Variants in HIPK2 observed in about 807,000 individuals in gnomAD.
HIPK2 encodes the protein homeodomain-interacting protein kinase 2.
Under a neutral mutation model 113.7 loss-of-function variants are expected in HIPK2, and 27 were observed. That is an observed-to-expected ratio of 0.24 (90% CI 0.17 to 0.33). HIPK2 has a LOEUF of 0.33. Ranked by LOEUF, HIPK2 falls within the 10% of genes least tolerant of loss-of-function variation. The pLI is 1.00. For synonymous variants in HIPK2, 631 were observed against 642.2 expected, an observed-to-expected ratio of 0.98 and a Z score of 0.26; for missense variants, 1,257 against 1,588.0, an observed-to-expected ratio of 0.79 and a Z score of 3.54.
At chr7:139,689,165 A>C (rs1424031135) in intron 2 of HIPK2, among the ~76,000 whole-genome samples, 1 of 152,184 alleles carries the variant, frequency 6.6e-6, no homozygotes, top group Non-Finnish European at 1.5e-5. Context: ...CACGGACCCC[A>C]CAGAGTGCTC....
At chr7:139,764,354 C>G (rs563195689) in intron 1 of HIPK2, among the ~76,000 whole-genome samples, 1 of 152,100 alleles carries the variant, frequency 6.6e-6, no homozygotes, top group Non-Finnish European at 1.5e-5. Flanking sequence ...GTGTTCCTGG[C>G]GACTTTAGAG....
At chr7:139,744,031 A>G (rs1287697240) in intron 1 of HIPK2, among the ~76,000 whole-genome samples, 4 of 152,206 alleles carry the variant, frequency 2.6e-5, no homozygotes, top group Non-Finnish European at 4.4e-5. Context: ...GATGATCATT[A>G]TTAATTATTA....
intron 13 of HIPK2, among the ~76,000 whole-genome samples, chr7:139,581,394 G>C (rs1013253993): frequency 5.3e-5 from 8 of 152,200 alleles, no homozygotes; most frequent in Admixed American, 5.2e-4. Context: ...CTCCTGCCCT[G>C]CCTGGGACTT....
intron 2 of HIPK2, among the ~76,000 whole-genome samples, chr7:139,633,248 G>A (rs1012711858): frequency 6.6e-6 from 1 of 152,188 alleles, no homozygotes; most frequent in African/African-American, 2.4e-5. Flanking sequence ...TCTGCAGCCT[G>A]GAGTGGGAGT....
intron 10 of HIPK2, among the ~76,000 whole-genome samples, chr7:139,602,788 T>C (rs1256450022): frequency 6.6e-6 from 1 of 152,208 alleles, no homozygotes; most frequent in Non-Finnish European, 1.5e-5. Flanking sequence ...CGATGGTGCA[T>C]GTTAAATATA....
chr7:139,716,785 T>G lies in HIPK2; in HGVS notation c.250A>C (p.Ile84Leu). ...PNPSLPYEQTIVFPGSTGHIV... is the reference protein window; with the variant it reads ...PNPSLPYEQTLVFPGSTGHIV... ...TGCCCGGTGCTTCCTGGGAAGACGA[T>G]GGTCTGCTCGTAAGGTAGGCTTGGG... Residue 84 changes from isoleucine to leucine, a missense_variant, in exon 2 of 15, where the codon ATC becomes CTC. Physicochemically the swap from Ile to Leu is conservative, Grantham distance 5. Coordinates refer to ENST00000406875, the MANE Select transcript of HIPK2 (RefSeq NM_022740.5). The surrounding 1 kb of genome is among the most constrained non-coding windows in gnomAD (Gnocchi z 9.3). 1 of 1,613,884 alleles carries G rather than the reference T, an allele frequency of 6.2e-7. No individual in the cohort carries two copies. Among genetic ancestry groups the G allele is most frequent in the Non-Finnish European group, 8.5e-7 (1 of 1,179,862 alleles).
At position 139,645,904 on chromosome 7, in the gene HIPK2, C is replaced by G. The variant is rs967551210; in HGVS notation, c.1104-14179G>C. ...TGGTTATTCCAGCAGGAGTTAGGAACAAGAAGATCTTGCCAAACAAAATGG... is the reference window on the plus strand; with the variant it reads ...TGGTTATTCCAGCAGGAGTTAGGAAGAAGAAGATCTTGCCAAACAAAATGG... On this transcript the variant is annotated intron_variant, in intron 2 of 14. Coordinates refer to ENST00000406875, the MANE Select transcript of HIPK2 (RefSeq NM_022740.5). Among the ~76,000 whole-genome samples the G allele has an allele frequency of 3.9e-5, 6 of 152,136 alleles. No homozygotes were observed. In the East Asian group the frequency reaches 1.2e-3, roughly 29 times the overall value.
intron 12 of HIPK2, among the ~76,000 whole-genome samples, chr7:139,596,313 C>T (rs1349833743): frequency 3.3e-5 from 5 of 152,214 alleles, no homozygotes; most frequent in Admixed American, 2.0e-4. Flanking sequence ...ATTAATTGGA[C>T]AATTACTTCG....
At chr7:139,736,871 T>C (rs1316610041) in intron 1 of HIPK2, among the ~76,000 whole-genome samples, 1 of 152,194 alleles carries the variant, frequency 6.6e-6, no homozygotes, top group Non-Finnish European at 1.5e-5. Flanking sequence ...CTCTGGTTCT[T>C]TCACTAGCAT....
At chr7:139,609,240 A>G (rs1799730799) in intron 9 of HIPK2, among the ~76,000 whole-genome samples, 1 of 152,170 alleles carries the variant, frequency 6.6e-6, no homozygotes, top group Admixed American at 6.5e-5. Flanking sequence ...AGGCAGTACC[A>G]AAAAAGCTTT....
intron 7 of HIPK2, among the ~76,000 whole-genome samples, chr7:139,614,812 G>A (rs569584372): frequency 1.8e-3 from 273 of 152,320 alleles, no homozygotes; most frequent in Non-Finnish European, 2.9e-3. Flanking sequence ...TAAAAATTAG[G>A]CTAGAAAACT....
At chr7:139,702,673 C>T (rs1199265209) in intron 2 of HIPK2, among the ~76,000 whole-genome samples, 1 of 152,168 alleles carries the variant, frequency 6.6e-6, no homozygotes, top group South Asian at 2.1e-4. Context: ...CATGCATGGG[C>T]ATGCAGGCCA....
In HIPK2 at chr7:139,563,307, C is replaced by G. The variant is rs1797999720; in HGVS notation, c.*9620G>C. 6.5e-6 allele frequency: 1 copy of G among 152,796 alleles called. No individual in the cohort carries two copies. Among genetic ancestry groups the G allele is most frequent in the Admixed American group, 6.5e-5 (1 of 15,288 alleles). 9.5% of individuals were successfully genotyped at this position (152,796 alleles called of 1,614,324 possible). A position where few individuals can be genotyped will look rare whatever the true frequency, so the allele number is the denominator to read the frequency against. On this transcript the variant is annotated 3_prime_UTR_variant, in exon 15 of 15. Coordinates refer to ENST00000406875, the MANE Select transcript of HIPK2 (RefSeq NM_022740.5). ...AGGCGACTCTGACAGGGAGGTGTGA[C>G]CACCAGTCTCAAGGCTGAGTGGGGC...
chr7:139,680,971 G>A (rs1391473672), intron 2 of HIPK2, among the ~76,000 whole-genome samples: 2 of 152,250 alleles, frequency 1.3e-5, no homozygotes, highest in African/African-American at 4.8e-5. Flanking sequence ...GTTTCCTGTG[G>A]AGAACATCGT....
At chr7:139,586,680 G>A (rs1203319610) in intron 12 of HIPK2, among the ~76,000 whole-genome samples, 1 of 151,886 alleles carries the variant, frequency 6.6e-6, no homozygotes, top group Non-Finnish European at 1.5e-5. Flanking sequence ...TGAGGTGGGA[G>A]CCCAGGAGTT....
chr7:139,679,689 T>C (rs1802629250), intron 2 of HIPK2, among the ~76,000 whole-genome samples: 1 of 152,188 alleles, frequency 6.6e-6, no homozygotes, highest in Non-Finnish European at 1.5e-5. Context: ...TCTCTTTGTA[T>C]TCCTACTGAA....
intron 12 of HIPK2, among the ~76,000 whole-genome samples, chr7:139,585,015 T>G (rs1410156813): frequency 1.3e-5 from 2 of 152,252 alleles, no homozygotes; most frequent in African/African-American, 4.8e-5. Flanking sequence ...AGTGAGAGGC[T>G]GCTGGCATGA....
chr7:139,591,826 TCAAGCCTGATTCC>T (rs1799035259), intron 12 of HIPK2, among the ~76,000 whole-genome samples: 1 of 152,244 alleles, frequency 6.6e-6, no homozygotes, highest in Non-Finnish European at 1.5e-5. Context: ...GTTCCTTCAC[TCAAGCCTGATTCC>T]CACGTCTCCA....
rs574183098 is a variant in HIPK2, at chr7:139,725,539, C to G, written c.20-8524G>C. On this transcript the variant is annotated intron_variant, in intron 1 of 14. Coordinates refer to ENST00000406875, the MANE Select transcript of HIPK2 (RefSeq NM_022740.5). Reference sequence around the variant, plus strand: ...CAGTATGCACTGTGTATACAACTACCTAGTTATCCAGAATTGTCATCTTCT... The same window carrying G: ...CAGTATGCACTGTGTATACAACTACGTAGTTATCCAGAATTGTCATCTTCT... Among the ~76,000 whole-genome samples, 12 of 152,348 alleles carry G rather than the reference C, an allele frequency of 7.9e-5. 1 individual carries two copies. In the South Asian group the frequency reaches 2.5e-3, roughly 32 times the overall value.
Sources: gnomAD v4.1 joint callset for allele counts (sites outside exome capture counted in the v4.1 genomes callset) on GRCh38, gnomAD v4.1.1 for gene constraint, Gnocchi (gnomAD v3.1) non-coding constraint, MANE v1.5 for transcripts, NCBI Gene and HGNC (gene_info 2026-07-23, HGNC 2026-07-21) for gene names.